AHCYL2: variants seen among roughly 807,000 people sequenced by gnomAD.
AHCYL2 encodes the protein S-adenosylhomocysteine hydrolase-like protein 2.
Under a neutral mutation model 81.4 loss-of-function variants are expected in AHCYL2, and 28 were observed. The ratio of observed to expected loss-of-function variants is 0.34; its 90% confidence interval spans 0.25 to 0.47. The LOEUF (loss-of-function observed/expected upper bound fraction) is 0.47, where lower values mean the gene tolerates loss of function less well. Among genes scored for constraint, AHCYL2 ranks in the 20% least tolerant of loss-of-function variants. AHCYL2 has a pLI of 1.00. For missense variants in AHCYL2, 551 were observed against 785.1 expected (o/e 0.70, Z 3.56); for synonymous variants, 272 against 290.2 (o/e 0.94, Z 0.64).
At chr7:129,319,245 C>T (rs1267192282) in intron 1 of AHCYL2, among the ~76,000 whole-genome samples, 1 of 152,070 alleles carries the variant, frequency 6.6e-6, no homozygotes, top group African/African-American at 2.4e-5. Context: ...CACTTGAGGT[C>T]AGGAGTTCAA....
At chr7:129,251,317 ATTTTTTTTT>A (rs3042851) in intron 1 of AHCYL2, among the ~76,000 whole-genome samples, 8 of 119,502 alleles carry the variant, frequency 6.7e-5, no homozygotes, top group East Asian at 5.2e-4. Flanking sequence ...GATAGTAAAG[ATTTTTTTTT>A]TTTTTTTTTT....
At chr7:129,280,369 G>T (rs570465785) in intron 1 of AHCYL2, among the ~76,000 whole-genome samples, 20 of 151,686 alleles carry the variant, frequency 1.3e-4, no homozygotes, top group Non-Finnish European at 1.0e-4. Flanking sequence ...AGGTTTCGCC[G>T]TGTTGGCCAG....
intron 1 of AHCYL2, among the ~76,000 whole-genome samples, chr7:129,259,626 A>G (rs1795549562): frequency 6.6e-6 from 1 of 152,146 alleles, no homozygotes; most frequent in Admixed American, 6.5e-5. Context: ...TTCCTATTCA[A>G]GGTTAACTAT....
intron 1 of AHCYL2, among the ~76,000 whole-genome samples, chr7:129,267,284 T>TA (rs1316882912): frequency 2.1e-5 from 3 of 144,288 alleles, no homozygotes; most frequent in African/African-American, 7.7e-5. Context: ...CCCTCCAACT[T>TA]ATTGAGTTCA....
rs1584891766 is a variant in AHCYL2, at chr7:129,405,719, CTT to C, written c.1143-115_1143-114del. 35 of 902,440 alleles carry C rather than the reference CTT, an allele frequency of 3.9e-5. No homozygotes were observed. In the East Asian group the frequency reaches 9.0e-4, roughly 23 times the overall value. The allele number at this position is 902,440 out of a possible 1,614,324, so 55.9% of individuals were successfully genotyped here. A position where few individuals can be genotyped will look rare whatever the true frequency, so the allele number is the denominator to read the frequency against. ...CCTTTAAAAAAATAAAGAAACCAGA[CTT>C]TCTTTCAAAATGAAAAACCAACCAA... On this transcript the variant is annotated intron_variant, in intron 8 of 16. Coordinates refer to ENST00000325006, the MANE Select transcript of AHCYL2 (RefSeq NM_015328.4).
chr7:129,271,189 G>A (rs1383552244), intron 1 of AHCYL2, among the ~76,000 whole-genome samples: 1 of 151,614 alleles, frequency 6.6e-6, no homozygotes, highest in African/African-American at 2.4e-5. Context: ...GTGAAATCCC[G>A]TTTCTACTAA....
At chr7:129,424,581 C>A in intron 13 of AHCYL2, 1 of 450,432 alleles carries the variant, frequency 2.2e-6, no homozygotes, top group Non-Finnish European at 4.1e-6. Context: ...GTGGAAAATT[C>A]AAGAGAAGTA....
intron 1 of AHCYL2, among the ~76,000 whole-genome samples, chr7:129,372,078 A>T (rs192834663): frequency 6.6e-6 from 1 of 152,340 alleles, no homozygotes; most frequent in East Asian, 1.9e-4. Context: ...TATTAAAAAC[A>T]CAAAATTTTG....
chr7:129,231,452 AG>A (rs1794435383), intron 1 of AHCYL2, among the ~76,000 whole-genome samples: 2 of 152,122 alleles, frequency 1.3e-5, no homozygotes, highest in Non-Finnish European at 2.9e-5. Flanking sequence ...AGAGAAAAAA[AG>A]TTTGTTGTAA....
rs151114047 is a variant in AHCYL2 at position 129,344,914 on chromosome 7, G to T, written c.364-34724G>T. On this transcript the variant is annotated intron_variant, in intron 1 of 16. Transcript: ENST00000325006. ...TCACACCTGTAATCCCAGCACTTTG[G>T]GAGGCCGAGGCGGGTGGATCACCTG... Among the ~76,000 whole-genome samples, 611 of 152,308 alleles carry T rather than the reference G, an allele frequency of 4.0e-3. 6 individuals are homozygous for T. Among genetic ancestry groups the T allele is most frequent in the African/African-American group, 0.014 (582 of 41,564 alleles).
At chr7:129,396,005 CT>C (rs1795718324) in intron 4 of AHCYL2, among the ~76,000 whole-genome samples, 1 of 152,230 alleles carries the variant, frequency 6.6e-6, no homozygotes, top group Non-Finnish European at 1.5e-5. Context: ...GGGCAGTTCA[CT>C]TCTGTGCTTT....
chr7:129,379,626 T>C lies in AHCYL2; in HGVS notation c.364-12T>C, dbSNP rs777173131. 1 of 1,608,150 alleles carries C rather than the reference T, an allele frequency of 6.2e-7. No homozygotes were observed. The highest frequency in any genetic ancestry group is 1.1e-5 in the South Asian group (1 of 89,978). The stretch of plus-strand genomic sequence containing the variant: ...TTCTTTTTCTTTATATAACTAGGTT[T>C]CTTTTTCTTAGCAGATCCAGTTTGC... On this transcript the variant is annotated splice_polypyrimidine_tract_variant and intron_variant, in intron 1 of 16. Coordinates refer to ENST00000325006, the MANE Select transcript of AHCYL2 (RefSeq NM_015328.4).
chr7:129,233,569 C>A (rs1446364577), intron 1 of AHCYL2, among the ~76,000 whole-genome samples: 4 of 152,134 alleles, frequency 2.6e-5, no homozygotes, highest in East Asian at 1.9e-4. Flanking sequence ...CTCACTGCAA[C>A]CTCCGCCTCC....
At chr7:129,256,195 A>G (rs140028420) in intron 1 of AHCYL2, among the ~76,000 whole-genome samples, 12 of 152,344 alleles carry the variant, frequency 7.9e-5, no homozygotes, top group Non-Finnish European at 1.3e-4. Context: ...GATTAGAAGA[A>G]ACTAATATAG....
At chr7:129,286,042 C>T (rs1366864119) in intron 1 of AHCYL2, among the ~76,000 whole-genome samples, 1 of 152,098 alleles carries the variant, frequency 6.6e-6, no homozygotes, top group Non-Finnish European at 1.5e-5. Context: ...GGGCCACCTT[C>T]CTACCCCCAA....
intron 12 of AHCYL2, among the ~76,000 whole-genome samples, chr7:129,417,184 A>C (rs1467425627): frequency 1.3e-5 from 2 of 152,184 alleles, no homozygotes; most frequent in Non-Finnish European, 2.9e-5. Context: ...GGAATTTGCC[A>C]TGTGGATTTT....
chr7:129,240,081 G>C (rs1794794511), intron 1 of AHCYL2, among the ~76,000 whole-genome samples: 1 of 152,000 alleles, frequency 6.6e-6, no homozygotes, highest in Non-Finnish European at 1.5e-5. Context: ...AAATTGGTCG[G>C]GCACATGCCT....
intron 1 of AHCYL2, among the ~76,000 whole-genome samples, chr7:129,231,131 C>G (rs889663401): frequency 2.0e-5 from 3 of 151,926 alleles, no homozygotes; most frequent in Non-Finnish European, 4.4e-5. Context: ...ACTCAGGAGG[C>G]TGAGGCAGGA....
chr7:129,315,122 C>G (rs1797787691), intron 1 of AHCYL2, among the ~76,000 whole-genome samples: 1 of 152,128 alleles, frequency 6.6e-6, no homozygotes, highest in South Asian at 2.1e-4. Context: ...AACCCTATGT[C>G]TTACCTGGAC....
Sources: gnomAD v4.1 joint callset for allele counts (sites outside exome capture counted in the v4.1 genomes callset) on GRCh38, gnomAD v4.1.1 for gene constraint, MANE v1.5 for transcripts, NCBI Gene and HGNC (gene_info 2026-07-23, HGNC 2026-07-21) for gene names.